The following ACSS3 variants were observed in gnomAD, a reference collection of about 807,000 sequenced individuals.
ACSS3 encodes acyl-CoA synthetase short-chain family member 3, mitochondrial.
A neutral mutation model predicts 84.2 loss-of-function variants in ACSS3; 64 were observed. The observed-to-expected ratio is 0.76, with a 90% CI of 0.62 to 0.94. ACSS3 has a LOEUF of 0.94. Ranked by LOEUF, ACSS3 falls within the 40% of genes least tolerant of loss-of-function variation. ACSS3 has a pLI of 0.00. For synonymous variants in ACSS3, 317 were observed against 310.1 expected (o/e 1.02, Z -0.23); for missense variants, 815 against 867.6 (o/e 0.94, Z 0.76).
chr12:81,188,733 A>G lies in ACSS3; in HGVS notation c.1251-10608A>G. Among the ~76,000 whole-genome samples the G allele has an allele frequency of 1.3e-5, 2 of 152,086 alleles. 1 individual carries two copies. Among genetic ancestry groups the G allele is most frequent in the East Asian group, 3.9e-4 (2 of 5,194 alleles). ...TTGATTGCTGGTTAGATCACTCTTTATGAGTATTTCAGTTTATTTACCTAT... is the reference window on the plus strand; with the variant it reads ...TTGATTGCTGGTTAGATCACTCTTTGTGAGTATTTCAGTTTATTTACCTAT... On this transcript the variant is annotated intron_variant, in intron 8 of 15. Transcript: ENST00000548058.
intron 3 of ACSS3, among the ~76,000 whole-genome samples, chr12:81,137,368 T>TAATA (rs1885865800): frequency 7.0e-6 from 1 of 142,128 alleles, no homozygotes; most frequent in South Asian, 2.2e-4. Context: ...CACACACCCC[T>TAATA]AATACTCCTT....
chr12:81,158,061 C>A (rs1366085112), intron 7 of ACSS3, among the ~76,000 whole-genome samples: 1 of 151,722 alleles, frequency 6.6e-6, no homozygotes, highest in Non-Finnish European at 1.5e-5. Flanking sequence ...TCAGCAATGG[C>A]CACATATGGC....
rs1212952473 is a variant in ACSS3, at chr12:81,139,365, A to C, written c.780+100A>C. On this transcript the variant is annotated intron_variant, in intron 4 of 15. Coordinates refer to ENST00000548058, the MANE Select transcript of ACSS3 (RefSeq NM_024560.4). ...GAGACATTTGATTTATAAGCTATTA[A>C]GTATACTGCTGAATGTTATTGTTAT... The C allele has an allele frequency of 6.2e-6, 8 of 1,294,358 alleles. No individual in the cohort carries two copies. In the East Asian group the frequency reaches 1.4e-4, roughly 23 times the overall value. The allele number at this position is 1,294,358 out of a possible 1,614,324, so 80.2% of individuals were successfully genotyped here.
intron 11 of ACSS3, among the ~76,000 whole-genome samples, chr12:81,226,114 C>G (rs2033264061): frequency 1.3e-5 from 2 of 151,876 alleles, no homozygotes; most frequent in African/African-American, 2.4e-5. Flanking sequence ...GCTTTCCCCA[C>G]TCCATTGAAA....
chr12:81,203,140 A>C (rs1342838220), intron 9 of ACSS3, among the ~76,000 whole-genome samples: 1 of 152,150 alleles, frequency 6.6e-6, no homozygotes, highest in Non-Finnish European at 1.5e-5. Flanking sequence ...CACTTATATA[A>C]GTTCTGGACT....
chr12:81,218,317 C>G (rs549793805), intron 10 of ACSS3, among the ~76,000 whole-genome samples: 26 of 152,218 alleles, frequency 1.7e-4, no homozygotes, highest in African/African-American at 6.3e-4. Context: ...GCTTAGTAGA[C>G]CTATGAAGAA....
chr12:81,171,346 C>G, intron 7 of ACSS3, among the ~76,000 whole-genome samples: 1 of 152,154 alleles, frequency 6.6e-6, no homozygotes, highest in Middle Eastern at 3.4e-3. Context: ...ATTTTTGAAA[C>G]AGGTAATTTC....
At chr12:81,141,356 G>A (rs141855493) in intron 4 of ACSS3, among the ~76,000 whole-genome samples, 158 of 152,222 alleles carry the variant, frequency 1.0e-3, no homozygotes, top group African/African-American at 1.9e-3. Context: ...GAGGCTCAGT[G>A]GTGTGTCTTA....
chr12:81,241,166 C>T (rs2033789625), intron 13 of ACSS3, among the ~76,000 whole-genome samples: 1 of 152,016 alleles, frequency 6.6e-6, no homozygotes, highest in African/African-American at 2.4e-5. Flanking sequence ...GACATGAACT[C>T]ATCATTTTTT....
intron 3 of ACSS3, among the ~76,000 whole-genome samples, chr12:81,136,374 C>A (rs75442920): frequency 6.6e-6 from 1 of 152,248 alleles, no homozygotes; most frequent in African/African-American, 2.4e-5. Context: ...CATCCTTAGA[C>A]AACATGTACA....
intron 4 of ACSS3, among the ~76,000 whole-genome samples, chr12:81,140,106 A>G (rs2525837): frequency 6.6e-6 from 1 of 152,138 alleles, no homozygotes; most frequent in Admixed American, 6.5e-5. Context: ...CCTCAGCTAT[A>G]CTGACTCTTG....
chr12:81,213,570 T>TCCTCTCCTCTCCTCC, intron 9 of ACSS3, among the ~76,000 whole-genome samples: 1 of 56,084 alleles, frequency 1.8e-5, no homozygotes, highest in Non-Finnish European at 4.3e-5. Context: ...TCCTCTCCTC[T>TCCTCTCCTCTCCTCC]CCTCTCCTCT....
chr12:81,186,360 G>C (rs978165948), intron 8 of ACSS3, among the ~76,000 whole-genome samples: 1 of 151,668 alleles, frequency 6.6e-6, no homozygotes, highest in African/African-American at 2.4e-5. Flanking sequence ...TGAATAAATG[G>C]AATTACATGA....
At chr12:81,240,839 C>CT (rs964235308) in intron 13 of ACSS3, among the ~76,000 whole-genome samples, 20 of 150,954 alleles carry the variant, frequency 1.3e-4, no homozygotes, top group African/African-American at 3.9e-4. Flanking sequence ...CAAAATATTT[C>CT]TTTTTTTTTA....
intron 9 of ACSS3, among the ~76,000 whole-genome samples, chr12:81,200,182 A>C (rs1312130216): frequency 6.6e-6 from 1 of 152,172 alleles, no homozygotes; most frequent in Non-Finnish European, 1.5e-5. Context: ...CTTTTGAGGG[A>C]TGGCTATATA....
rs1049494749 is a variant in ACSS3, at chr12:81,151,865, G to A, written c.943G>A (p.Gly315Arg). ...TTAGGGTGTGATTAGGCCCACTGGGGGATACGCTGTCATGCTACACTGGTC... is the reference window on the plus strand; with the variant it reads ...TTAGGGTGTGATTAGGCCCACTGGGAGATACGCTGTCATGCTACACTGGTC... Reference protein sequence around the residue: ...LPKGVIRPTGGYAVMLHWSMS... With the variant: ...LPKGVIRPTGRYAVMLHWSMS... The change falls in exon 6 of 16, where the codon GGA (glycine) becomes AGA (arginine). Residue 315 changes from glycine to arginine, a missense_variant. Transcript: ENST00000548058. The A allele has an allele frequency of 6.2e-7, 1 of 1,613,628 alleles. No homozygotes were observed.
chr12:81,186,925 T>C (rs1237582079), intron 8 of ACSS3, among the ~76,000 whole-genome samples: 1 of 151,824 alleles, frequency 6.6e-6, no homozygotes, highest in Non-Finnish European at 1.5e-5. Context: ...CATTGTGGCA[T>C]CATTCACAAT....
At chr12:81,162,927 G>A (rs889312959) in intron 7 of ACSS3, among the ~76,000 whole-genome samples, 3 of 152,142 alleles carry the variant, frequency 2.0e-5, no homozygotes, top group African/African-American at 7.2e-5. Flanking sequence ...GGCACCAGGA[G>A]CAGGGAGAGG....
At chr12:81,096,549 T>C (rs1403048021) in intron 1 of ACSS3, among the ~76,000 whole-genome samples, 2 of 152,174 alleles carry the variant, frequency 1.3e-5, no homozygotes, top group Non-Finnish European at 2.9e-5. Context: ...GGTATACATG[T>C]GCCATGTGGT....
Sources: gnomAD v4.1 joint callset for allele counts (sites outside exome capture counted in the v4.1 genomes callset) on GRCh38, gnomAD v4.1.1 for gene constraint, MANE v1.5 for transcripts, NCBI Gene and HGNC (gene_info 2026-07-23, HGNC 2026-07-21) for gene names.